The following SYT16 variants were observed in gnomAD, a reference collection of about 807,000 sequenced individuals.
The protein encoded by SYT16 is synaptotagmin-16.
SYT16 carries 42 observed loss-of-function variants against 61.4 expected under a neutral mutation model. The ratio of observed to expected loss-of-function variants is 0.68; its 90% confidence interval spans 0.53 to 0.89. The LOEUF is 0.89. Ranked by LOEUF, SYT16 falls within the 40% of genes least tolerant of loss-of-function variation. The pLI is 0.00. For missense variants in SYT16, 804 were observed against 807.3 expected (o/e 1.00, Z 0.05); for synonymous variants, 314 against 302.3 (o/e 1.04, Z -0.40).
At position 62,051,645 on chromosome 14, in the gene SYT16, T is replaced by G. The variant is rs182051965; in HGVS notation, c.524-17958T>G. 7.9e-5 allele frequency among the ~76,000 whole-genome samples: 12 copies of G among 152,374 alleles called. No homozygotes were observed. In the East Asian group the frequency reaches 1.7e-3, roughly 22 times the overall value. On this transcript the variant is annotated intron_variant, in intron 3 of 7. Transcript: ENST00000683842. ...CTGTATTTTTCTTTTTAAAATTGCATAGTTGCTTAAACTTATTTTTTTCTC... is the reference window on the plus strand; with the variant it reads ...CTGTATTTTTCTTTTTAAAATTGCAGAGTTGCTTAAACTTATTTTTTTCTC...
At chr14:61,927,776 C>T (rs781421992) in intron 1 of SYT16, among the ~76,000 whole-genome samples, 13 of 151,984 alleles carry the variant, frequency 8.6e-5, no homozygotes, top group Admixed American at 4.6e-4. Flanking sequence ...AGTTGGGGTA[C>T]GTATTATTAA....
At chr14:61,929,731 G>GT (rs1253464491) in intron 1 of SYT16, among the ~76,000 whole-genome samples, 2 of 152,144 alleles carry the variant, frequency 1.3e-5, no homozygotes, top group East Asian at 3.9e-4. Flanking sequence ...CTCTACGCAT[G>GT]TTTCTAAAAG....
intron 1 of SYT16, among the ~76,000 whole-genome samples, chr14:61,859,302 A>G (rs1487882418): frequency 1.3e-5 from 2 of 152,098 alleles, no homozygotes; most frequent in Non-Finnish European, 2.9e-5. Flanking sequence ...GGTGCCAGCC[A>G]TGTGTACAGT....
chr14:61,828,541 T>C (rs1240782957), intron 1 of SYT16, among the ~76,000 whole-genome samples: 30 of 152,364 alleles, frequency 2.0e-4, no homozygotes, highest in East Asian at 1.9e-4. Context: ...TTCACTGATA[T>C]AGAATTCTGA....
At chr14:61,862,289 G>T (rs2046989373) in intron 1 of SYT16, among the ~76,000 whole-genome samples, 1 of 151,978 alleles carries the variant, frequency 6.6e-6, no homozygotes, top group East Asian at 1.9e-4. Flanking sequence ...CCACCTCCCG[G>T]ACCCTGGAAA....
At chr14:62,059,418 C>T (rs1248242780) in intron 3 of SYT16, among the ~76,000 whole-genome samples, 1 of 151,790 alleles carries the variant, frequency 6.6e-6, no homozygotes, top group Non-Finnish European at 1.5e-5. Flanking sequence ...TGTAAAGGGT[C>T]TTTATAAATT....
intron 7 of SYT16, among the ~76,000 whole-genome samples, chr14:62,088,245 A>G (rs544060310): frequency 2.6e-5 from 4 of 152,372 alleles, no homozygotes; most frequent in African/African-American, 9.6e-5. Flanking sequence ...ATTAAGATAT[A>G]TAATTGAATA....
intron 1 of SYT16, among the ~76,000 whole-genome samples, chr14:61,826,004 G>A (rs1243677142): frequency 1.3e-5 from 2 of 152,122 alleles, no homozygotes; most frequent in Non-Finnish European, 2.9e-5. Flanking sequence ...CTTTCATAGT[G>A]CATCATTTAT....
rs553585390 is a variant in SYT16 at position 61,864,404 on chromosome 14, A to C, written c.-325+51594A>C. Among the ~76,000 whole-genome samples, 5 of 152,354 alleles carry C rather than the reference A, an allele frequency of 3.3e-5. No individual in the cohort carries two copies. The South Asian group carries it at 6.2e-4, about 19-fold the overall frequency. ...AGATTCTGCGCTCTAGCCGGCAGTT[A>C]GTGCTGCCCGAGCTGGGCGTGCACA... On this transcript the variant is annotated intron_variant, in intron 1 of 7. Transcript: ENST00000683842.
intron 2 of SYT16, among the ~76,000 whole-genome samples, chr14:61,994,546 G>T (rs182330994): frequency 9.2e-5 from 14 of 152,290 alleles, no homozygotes; most frequent in African/African-American, 3.1e-4. Context: ...GGTGTTAATT[G>T]AAATGTAGGG....
chr14:62,082,938 A>C (rs530996988), intron 6 of SYT16, among the ~76,000 whole-genome samples: 1 of 152,336 alleles, frequency 6.6e-6, no homozygotes, highest in East Asian at 1.9e-4. Context: ...ATTTATACGG[A>C]TTCAGAATTT....
At chr14:62,095,847 C>G (rs1019157954) in intron 7 of SYT16, among the ~76,000 whole-genome samples, 22 of 151,692 alleles carry the variant, frequency 1.5e-4, no homozygotes, top group African/African-American at 4.8e-4. Context: ...AGTAGAATAA[C>G]TAAAATAGCT....
intron 1 of SYT16, among the ~76,000 whole-genome samples, chr14:61,951,095 T>C (rs540403966): frequency 2.1e-4 from 32 of 152,382 alleles, no homozygotes; most frequent in African/African-American, 7.7e-4. Flanking sequence ...GTTAGGGCTA[T>C]GCATTTTTGC....
intron 1 of SYT16, chr14:61,865,404 A>G (rs541083841): frequency 6.5e-6 from 4 of 613,196 alleles, no homozygotes; most frequent in South Asian, 1.4e-5. Context: ...TGATTTACAA[A>G]CTGGGAAATG....
At chr14:62,051,896 G>T (rs923072737) in intron 3 of SYT16, among the ~76,000 whole-genome samples, 8 of 152,248 alleles carry the variant, frequency 5.3e-5, no homozygotes, top group Non-Finnish European at 8.8e-5. Flanking sequence ...GCTGGGTGTG[G>T]TGGCACACAC....
rs149058109 is a variant in SYT16, at chr14:62,057,808, C to T, written c.524-11795C>T. On this transcript the variant is annotated intron_variant, in intron 3 of 7. Coordinates refer to ENST00000683842, the MANE Select transcript of SYT16 (RefSeq NM_001367656.1). ...GAGGCACACTTGAAGTACAATAAAC[C>T]GCACATACATAAAGTATACAAGTTG... Among the ~76,000 whole-genome samples, 77 of 152,174 alleles carry T rather than the reference C, an allele frequency of 5.1e-4. 1 individual carries two copies. Among genetic ancestry groups the T allele is most frequent in the African/African-American group, 1.6e-3 (66 of 41,528 alleles).
At chr14:61,981,356 C>G (rs1385303145) in intron 2 of SYT16, among the ~76,000 whole-genome samples, 3 of 152,114 alleles carry the variant, frequency 2.0e-5, no homozygotes, top group Admixed American at 1.3e-4. Context: ...AGAATCTTAC[C>G]TTTCATCTAT....
In SYT16 at chr14:62,030,796, T is replaced by C. The variant is rs1484890549; in HGVS notation, c.523+34254T>C. Among the ~76,000 whole-genome samples the C allele has an allele frequency of 2.0e-5, 3 of 152,242 alleles. No individual in the cohort carries two copies. In the East Asian group the frequency reaches 5.8e-4, roughly 29 times the overall value. ...AATGGATTTTCAGACAGTGGCCTTT[T>C]GTATTTATAAAATGAAAGCTGCAAA... On this transcript the variant is annotated intron_variant, in intron 3 of 7. Coordinates refer to ENST00000683842, the MANE Select transcript of SYT16 (RefSeq NM_001367656.1).
chr14:61,887,284 A>G (rs2047945707), intron 1 of SYT16, among the ~76,000 whole-genome samples: 2 of 152,198 alleles, frequency 1.3e-5, no homozygotes, highest in South Asian at 4.2e-4. Context: ...CTATAAACAG[A>G]TATGCTGTCA....
Sources: allele counts gnomAD v4.1 joint callset (sites outside exome capture counted in the v4.1 genomes callset), GRCh38; gene constraint gnomAD v4.1.1; transcripts MANE v1.5; gene names NCBI Gene and HGNC (gene_info 2026-07-23, HGNC 2026-07-21).